The following NHSL1 variants were observed in gnomAD, a reference collection of about 807,000 sequenced individuals.
NHSL1 encodes the protein NHS-like protein 1.
NHSL1 carries 48 observed loss-of-function variants against 95.0 expected under a neutral mutation model. The ratio of observed to expected loss-of-function variants is 0.51; its 90% confidence interval spans 0.40 to 0.64. NHSL1 has a LOEUF of 0.64. NHSL1 is among the 30% of genes least tolerant of loss of function. NHSL1 has a pLI of 0.00. For missense variants in NHSL1, 1,971 were observed against 2,077.7 expected (o/e 0.95, Z 1.00); for synonymous variants, 783 against 833.9 (o/e 0.94, Z 1.05).
At chr6:138,507,701 G>A (rs1182976308) in intron 1 of NHSL1, among the ~76,000 whole-genome samples, 1 of 152,182 alleles carries the variant, frequency 6.6e-6, no homozygotes, top group Admixed American at 6.5e-5. Flanking sequence ...TCCCACGAAT[G>A]TTATTTCACA....
At chr6:138,691,473 G>C (rs540135328) in intron 1 of NHSL1, among the ~76,000 whole-genome samples, 3 of 152,104 alleles carry the variant, frequency 2.0e-5, no homozygotes, top group African/African-American at 7.2e-5. Flanking sequence ...GCTGGAAAAC[G>C]AGCTATTCGA....
At chr6:138,609,249 C>A (rs1161726965) in intron 1 of NHSL1, among the ~76,000 whole-genome samples, 1 of 143,690 alleles carries the variant, frequency 7.0e-6, no homozygotes, top group East Asian at 1.9e-4. Flanking sequence ...TGGTGCTGGA[C>A]ATGGTGCAAG....
At chr6:138,649,855 G>A (rs1583465809) in intron 1 of NHSL1, among the ~76,000 whole-genome samples, 1 of 152,152 alleles carries the variant, frequency 6.6e-6, no homozygotes, top group African/African-American at 2.4e-5. Context: ...CTGACTGGAG[G>A]GGTAGATAGG....
At chr6:138,622,001 C>T (rs949295929) in intron 1 of NHSL1, among the ~76,000 whole-genome samples, 2 of 152,080 alleles carry the variant, frequency 1.3e-5, no homozygotes, top group Admixed American at 6.6e-5. Flanking sequence ...GCAGGGATCC[C>T]ATGAAGATTA....
chr6:138,501,429 A>G (rs1036699858), upstream of NHSL1, among the ~76,000 whole-genome samples: 5 of 152,180 alleles, frequency 3.3e-5, no homozygotes, highest in Non-Finnish European at 5.9e-5. Flanking sequence ...AGCAACATAA[A>G]AGGGGGTTTG....
At chr6:138,567,107 GT>G (rs1783649312) in intron 1 of NHSL1, among the ~76,000 whole-genome samples, 1 of 149,850 alleles carries the variant, frequency 6.7e-6, no homozygotes, top group South Asian at 2.1e-4. Flanking sequence ...GAGGATTTTT[GT>G]TTGGTTTGAG....
chr6:138,618,452 G>A (rs534620506), intron 1 of NHSL1, among the ~76,000 whole-genome samples: 1 of 152,138 alleles, frequency 6.6e-6, no homozygotes, highest in African/African-American at 2.4e-5. Context: ...ATCTAAAAGG[G>A]GAAGCACTTT....
intron 2 of NHSL1, among the ~76,000 whole-genome samples, chr6:138,486,480 C>T (rs1017972656): frequency 1.3e-5 from 2 of 152,130 alleles, no homozygotes; most frequent in African/African-American, 2.4e-5. Flanking sequence ...CCTGTGAGCG[C>T]CATGATGACT....
intron 1 of NHSL1, among the ~76,000 whole-genome samples, chr6:138,516,615 A>G (rs1781472915): frequency 6.6e-6 from 1 of 150,504 alleles, no homozygotes; most frequent in African/African-American, 2.4e-5. Context: ...TGTTGTTGTT[A>G]ATTTGGGAAA....
At chr6:138,635,939 GCCGT>G (rs1784881667) in intron 1 of NHSL1, among the ~76,000 whole-genome samples, 1 of 139,226 alleles carries the variant, frequency 7.2e-6, no homozygotes, top group African/African-American at 2.8e-5. Flanking sequence ...ATAGTGAAAT[GCCGT>G]CTCTACTAAA....
intron 1 of NHSL1, among the ~76,000 whole-genome samples, chr6:138,616,197 A>G (rs952480900): frequency 3.9e-5 from 6 of 152,236 alleles, no homozygotes; most frequent in Non-Finnish European, 7.3e-5. Flanking sequence ...ATTATTTCTA[A>G]AATACATGCT....
chr6:138,491,595 G>A (rs1430886216), intron 2 of NHSL1, among the ~76,000 whole-genome samples: 2 of 151,604 alleles, frequency 1.3e-5, no homozygotes, highest in Non-Finnish European at 2.9e-5. Context: ...GATGTAAAAA[G>A]GGTAGACTTC....
Position 138,433,306 on chromosome 6 carries a change from C to T in NHSL1, c.1039G>A (p.Ala347Thr). ...LEPRLGALGPAGDMNGTFLYQ... is the reference protein window; with the variant it reads ...LEPRLGALGPTGDMNGTFLYQ... Reference sequence around the variant, plus strand: ...AGGAAAGTGCCATTCATGTCTCCTGCAGGGCCGAGGGCACCCAGCCTCGGC... The same window carrying T: ...AGGAAAGTGCCATTCATGTCTCCTGTAGGGCCGAGGGCACCCAGCCTCGGC... The change falls in exon 6 of 8, where the codon GCA (alanine) becomes ACA (threonine). Residue 347 changes from alanine (A) to threonine (T), a missense_variant. By Grantham distance (58) the Ala-to-Thr change is moderately conservative. Coordinates refer to ENST00000343505, the MANE Select transcript of NHSL1 (RefSeq NM_001144060.2). 2 of 1,551,518 alleles carry T rather than the reference C, an allele frequency of 1.3e-6. No homozygotes were observed. Among genetic ancestry groups the T allele is most frequent in the East Asian group, 4.9e-5 (2 of 40,888 alleles).
chr6:138,684,930 A>G (rs1785565623), intron 1 of NHSL1, among the ~76,000 whole-genome samples: 1 of 152,202 alleles, frequency 6.6e-6, no homozygotes, highest in African/African-American at 2.4e-5. Context: ...CTAGGGGCCT[A>G]GTTAGGTGCA....
chr6:138,650,264 C>A, intron 1 of NHSL1: 1 of 648,618 alleles, frequency 1.5e-6, no homozygotes. Flanking sequence ...AGTGGAAAAG[C>A]AGGCTGGAGC....
intron 1 of NHSL1, among the ~76,000 whole-genome samples, chr6:138,621,319 G>A (rs1485899887): frequency 6.6e-6 from 1 of 152,092 alleles, no homozygotes; most frequent in Non-Finnish European, 1.5e-5. Context: ...ATCCCAGAAG[G>A]ACCAAAGCAA....
chr6:138,490,021 G>T (rs1321131708), intron 2 of NHSL1, among the ~76,000 whole-genome samples: 1 of 150,072 alleles, frequency 6.7e-6, no homozygotes, highest in African/African-American at 2.5e-5. Context: ...AAAAAAGAAA[G>T]GCAAGCAAGC....
chr6:138,670,064 T>C (rs2114757183), intron 1 of NHSL1, among the ~76,000 whole-genome samples: 1 of 152,126 alleles, frequency 6.6e-6, no homozygotes, highest in African/African-American at 2.4e-5. Flanking sequence ...GAGGTTGCAG[T>C]GAGCCGAAAT....
At chr6:138,552,343 C>A (rs1562366104) in intron 1 of NHSL1, among the ~76,000 whole-genome samples, 1 of 152,066 alleles carries the variant, frequency 6.6e-6, no homozygotes, top group Admixed American at 6.5e-5. Context: ...TCGCTTGAAC[C>A]CGGGAGGTGG....
Sources: allele counts gnomAD v4.1 joint callset (sites outside exome capture counted in the v4.1 genomes callset), GRCh38; gene constraint gnomAD v4.1.1; transcripts MANE v1.5; gene names NCBI Gene and HGNC (gene_info 2026-07-23, HGNC 2026-07-21).